Variants in ERC1 observed in about 807,000 individuals in gnomAD.
The protein encoded by ERC1 is ELKS/RAB6-interacting/CAST family member 1, also known as RAB6 interacting protein 2.
ERC1 carries 56 observed loss-of-function variants against 132.0 expected under a neutral mutation model. That is an observed-to-expected ratio of 0.42 (90% CI 0.34 to 0.53). The LOEUF (loss-of-function observed/expected upper bound fraction) is 0.53. Among genes scored for constraint, ERC1 ranks in the 20% least tolerant of loss-of-function variants. The pLI is 0.03. For synonymous variants in ERC1, 478 were observed against 476.1 expected (o/e 1.00, Z -0.05); for missense variants, 1,202 against 1,349.9 (o/e 0.89, Z 1.72).
intron 2 of ERC1, among the ~76,000 whole-genome samples, chr12:1,031,783 T>C (rs1161541401): frequency 6.6e-6 from 1 of 152,068 alleles, no homozygotes; most frequent in Non-Finnish European, 1.5e-5. Context: ...ACTTTAAGAA[T>C]GTGTAAAGAA....
intron 18 of ERC1, among the ~76,000 whole-genome samples, chr12:1,468,340 C>A (rs1195825313): frequency 6.6e-6 from 1 of 152,144 alleles, no homozygotes; most frequent in African/African-American, 2.4e-5. Context: ...CAGCGACTCA[C>A]GCCTGTAATC....
intron 17 of ERC1, among the ~76,000 whole-genome samples, chr12:1,442,191 G>A (rs2093174573): frequency 6.6e-6 from 1 of 152,178 alleles, no homozygotes; most frequent in South Asian, 2.1e-4. Flanking sequence ...GCCTCCCAAA[G>A]TGCTGAGTTT....
intron 3 of ERC1, among the ~76,000 whole-genome samples, chr12:1,100,641 G>A (rs1944557513): frequency 6.6e-6 from 1 of 152,292 alleles, no homozygotes; most frequent in South Asian, 2.1e-4. Context: ...AGACTCCTAT[G>A]TTTTTGGCTT....
At chr12:1,376,923 G>A (rs529939226) in intron 16 of ERC1, among the ~76,000 whole-genome samples, 18 of 152,188 alleles carry the variant, frequency 1.2e-4, no homozygotes, top group Middle Eastern at 3.4e-3. Flanking sequence ...CGGTACACGC[G>A]GTCTTTCTCC....
intron 13 of ERC1, among the ~76,000 whole-genome samples, chr12:1,257,971 C>A (rs1375524903): frequency 1.3e-5 from 2 of 152,054 alleles, no homozygotes; most frequent in Admixed American, 6.6e-5. Context: ...GTGTTTATAG[C>A]ACATCTCAGT....
In ERC1 at chr12:1,135,084, T is replaced by G. The variant is rs1468121038; in HGVS notation, c.1570-6536T>G. On this transcript the variant is annotated intron_variant, in intron 7 of 18. Coordinates refer to ENST00000360905, the MANE Select transcript of ERC1 (RefSeq NM_178040.4). Reference sequence around the variant, plus strand: ...GTCCTGAGACCAAAGGGTCTGAGAATGGTAATGGAAGGGAACATTCAGAAC... The same window carrying G: ...GTCCTGAGACCAAAGGGTCTGAGAAGGGTAATGGAAGGGAACATTCAGAAC... Among the ~76,000 whole-genome samples the G allele has an allele frequency of 2.0e-5, 3 of 152,260 alleles. No individual in the cohort carries two copies. The East Asian group carries it at 5.8e-4, about 29-fold the overall frequency.
intron 13 of ERC1, 60 bp from the exon 14 acceptor site, chr12:1,262,974 A>G (rs2077236730): frequency 1.9e-6 from 3 of 1,569,456 alleles, no homozygotes; most frequent in Non-Finnish European, 2.6e-6. Flanking sequence ...TTCTTAATAA[A>G]TAGGCTCTCC....
chr12:1,451,517 C>T (rs1018581054), intron 18 of ERC1, among the ~76,000 whole-genome samples: 2 of 152,040 alleles, frequency 1.3e-5, no homozygotes, highest in Non-Finnish European at 1.5e-5. Context: ...CCCACCTACT[C>T]GGGAGGCCCA....
rs553150173 is a variant in ERC1, at chr12:1,398,845, A to ATCTATTC, written c.2926-9303_2926-9297dup. ...GCAGGGACGCTTTGTCCTTGCACAC[A>ATCTATTC]TCTATTCATTTACTCATTTGTTTAT... On this transcript the variant is annotated intron_variant, in intron 16 of 18. Coordinates refer to ENST00000360905, the MANE Select transcript of ERC1 (RefSeq NM_178040.4). 2.0e-3 allele frequency among the ~76,000 whole-genome samples: 303 copies of ATCTATTC among 151,522 alleles called. 2 individuals carry two copies. The highest frequency in any genetic ancestry group is 6.9e-3 in the African/African-American group (284 of 41,248).
At chr12:1,445,037 A>C in intron 18 of ERC1, 1 of 312,394 alleles carries the variant, frequency 3.2e-6, no homozygotes, top group Non-Finnish European at 5.9e-6. Flanking sequence ...ACCAATTAAA[A>C]ATGTATGTTT....
At chr12:1,437,651 G>A (rs2092986485) in intron 17 of ERC1, among the ~76,000 whole-genome samples, 1 of 152,192 alleles carries the variant, frequency 6.6e-6, no homozygotes, top group Admixed American at 6.5e-5. Flanking sequence ...CAGCTCTGTA[G>A]TTGAGATTTC....
chr12:1,321,336 G>GTA (rs1283679704), intron 15 of ERC1, among the ~76,000 whole-genome samples: 1 of 151,826 alleles, frequency 6.6e-6, no homozygotes, highest in African/African-American at 2.4e-5. Flanking sequence ...GTGTGTGTGT[G>GTA]TGTGTGTATA....
intron 14 of ERC1, among the ~76,000 whole-genome samples, chr12:1,282,843 G>A (rs940861435): frequency 2.6e-5 from 4 of 152,158 alleles, no homozygotes; most frequent in Non-Finnish European, 5.9e-5. Context: ...TGGCTTGCAT[G>A]GTGACTGCTG....
intron 12 of ERC1, among the ~76,000 whole-genome samples, chr12:1,208,957 ATTTTTTTT>A (rs538961813): frequency 9.8e-5 from 7 of 71,636 alleles, no homozygotes; most frequent in African/African-American, 3.8e-4. Flanking sequence ...CGCCCAGCTG[ATTTTTTTT>A]TTTTTTTTTT....
intron 1 of ERC1, among the ~76,000 whole-genome samples, chr12:1,021,901 T>C (rs1361425629): frequency 6.6e-6 from 1 of 152,178 alleles, no homozygotes; most frequent in East Asian, 1.9e-4. Flanking sequence ...AGGAGACTCA[T>C]GTATTCTGTC....
rs1348889569 is a variant in ERC1 at position 1,495,861 on chromosome 12, C to CA, written c.*5632dup. On this transcript the variant is annotated 3_prime_UTR_variant, in exon 19 of 19. Transcript: ENST00000360905. The stretch of plus-strand genomic sequence containing the variant: ...ACTTTGCCTTGATAATTATTGTAAA[C>CA]ACTTTGTTCATTTTTTCTTTTTTAT... 5.1e-6 allele frequency: 1 copy of CA among 196,522 alleles called. No homozygotes were observed. The highest frequency in any genetic ancestry group is 2.3e-5 in the African/African-American group (1 of 43,198). The allele number at this position is 196,522 out of a possible 1,614,324, so 12.2% of individuals were successfully genotyped here.
chr12:1,237,757 G>A (rs2075519439), intron 13 of ERC1, among the ~76,000 whole-genome samples: 2 of 152,202 alleles, frequency 1.3e-5, no homozygotes, highest in Non-Finnish European at 2.9e-5. Flanking sequence ...CAGAATGAAG[G>A]TGTAGATTAT....
chr12:1,068,365 G>A (rs78979101), intron 2 of ERC1, among the ~76,000 whole-genome samples: 1 of 148,072 alleles, frequency 6.8e-6, no homozygotes, highest in Admixed American at 6.7e-5. Flanking sequence ...TCAAAGATCC[G>A]TATGAAATTA....
intron 17 of ERC1, among the ~76,000 whole-genome samples, chr12:1,434,194 A>G (rs557072207): frequency 6.6e-6 from 1 of 152,236 alleles, no homozygotes; most frequent in East Asian, 1.9e-4. Context: ...TTCTCTGATT[A>G]TATCAAAAAC....
Sources: gnomAD v4.1 joint callset for allele counts (sites outside exome capture counted in the v4.1 genomes callset) on GRCh38, gnomAD v4.1.1 for gene constraint, MANE v1.5 for transcripts, NCBI Gene and HGNC (gene_info 2026-07-23, HGNC 2026-07-21) for gene names.